Variants in SMAD3 observed in about 807,000 individuals in gnomAD.
SMAD3 encodes the protein MAD homolog 3.
In SMAD3, 12 loss-of-function variants were observed where a neutral mutation model predicts 51.8. The ratio of observed to expected loss-of-function variants is 0.23; its 90% CI spans 0.15 to 0.38. The LOEUF is 0.38. Ranked by LOEUF, SMAD3 falls within the 10% of genes least tolerant of loss-of-function variation. The probability of loss-of-function intolerance (pLI) is 1.00; values close to 1 mark genes in which losing one functional copy is unlikely to be tolerated. For synonymous variants in SMAD3, 238 were observed against 227.7 expected (o/e 1.05, Z -0.41); for missense variants, 294 against 565.6 (o/e 0.52, Z 4.87).
chr15:67,100,790 G>C (rs1203719353), intron 1 of SMAD3, among the ~76,000 whole-genome samples: 1 of 152,172 alleles, frequency 6.6e-6, no homozygotes, highest in Non-Finnish European at 1.5e-5. Flanking sequence ...TCCAATCCAG[G>C]CTCTACCTTT....
Position 67,193,910 on chromosome 15 carries a change from T to C in SMAD3, c.*3374T>C, listed in dbSNP as rs1963433338. 4.3e-6 allele frequency: 1 copy of C among 233,204 alleles called. No homozygotes were observed. The highest frequency in any genetic ancestry group is 1.8e-4 in the South Asian group (1 of 5,524). The allele number at this position is 233,204 out of a possible 1,614,324, so 14.4% of individuals were successfully genotyped here. On this transcript the variant is annotated 3_prime_UTR_variant, in exon 9 of 9. Transcript: ENST00000327367. ...GCATGGCATGCACGTATGTAAGTAA[T>C]CTGGGGAAGAAGCAAAGATCTGTTT...
intron 1 of SMAD3, among the ~76,000 whole-genome samples, chr15:67,109,947 CG>C (rs1960975584): frequency 1.3e-5 from 2 of 152,174 alleles, no homozygotes; most frequent in Admixed American, 6.5e-5. Flanking sequence ...GGCTCGTCAG[CG>C]GGGGAAACCA....
At chr15:67,153,939 G>A (rs1475669449) in intron 1 of SMAD3, among the ~76,000 whole-genome samples, 1 of 152,206 alleles carries the variant, frequency 6.6e-6, no homozygotes, top group Non-Finnish European at 1.5e-5. Flanking sequence ...TGGCCCTTGG[G>A]AGGTGGGATA....
chr15:67,138,299 C>CCT, intron 1 of SMAD3: 1 of 542,022 alleles, frequency 1.8e-6, no homozygotes, highest in Non-Finnish European at 3.3e-6. Flanking sequence ...CGCTCAGGGC[C>CCT]CTCTGCCTGG....
intron 1 of SMAD3, among the ~76,000 whole-genome samples, chr15:67,101,141 A>C (rs1436792030): frequency 6.6e-6 from 1 of 152,114 alleles, no homozygotes; most frequent in Non-Finnish European, 1.5e-5. Flanking sequence ...CTGTTGTGCT[A>C]CTCGCTTTGG....
intron 1 of SMAD3, among the ~76,000 whole-genome samples, chr15:67,088,014 AG>A (rs1336264749): frequency 6.6e-6 from 1 of 152,218 alleles, no homozygotes; most frequent in African/African-American, 2.4e-5. Context: ...GCTGATTGAC[AG>A]CTCAGATGTG....
At chr15:67,156,993 C>T (rs1962300113) in intron 1 of SMAD3, among the ~76,000 whole-genome samples, 1 of 152,190 alleles carries the variant, frequency 6.6e-6, no homozygotes, top group Non-Finnish European at 1.5e-5. Flanking sequence ...GGCAGAGCCA[C>T]AGAGCAAAAA....
At chr15:67,074,728 C>T (rs901850340) in intron 1 of SMAD3, among the ~76,000 whole-genome samples, 2 of 152,166 alleles carry the variant, frequency 1.3e-5, no homozygotes, top group East Asian at 1.9e-4. Flanking sequence ...CTTGCTGTGT[C>T]GCCCAGGCTG....
intron 1 of SMAD3, among the ~76,000 whole-genome samples, chr15:67,137,137 G>C (rs1287330011): frequency 6.6e-6 from 1 of 152,208 alleles, no homozygotes; most frequent in East Asian, 1.9e-4. Context: ...AGCAGGCTGC[G>C]TTTGTGGTTT....
chr15:67,104,093 A>G (rs1595901061), intron 1 of SMAD3, among the ~76,000 whole-genome samples: 1 of 152,160 alleles, frequency 6.6e-6, no homozygotes, highest in Admixed American at 6.5e-5. Flanking sequence ...GGCAGCGCTC[A>G]AAGGCAGGAA....
At chr15:67,093,402 A>G (rs778627409) in intron 1 of SMAD3, among the ~76,000 whole-genome samples, 13 of 152,148 alleles carry the variant, frequency 8.5e-5, no homozygotes, top group Non-Finnish European at 1.6e-4. Flanking sequence ...TTCCACTGCC[A>G]GTGCAGGGGT....
intron 1 of SMAD3, among the ~76,000 whole-genome samples, chr15:67,161,353 TC>T (rs1208562642): frequency 6.6e-6 from 1 of 152,206 alleles, no homozygotes; most frequent in African/African-American, 2.4e-5. Context: ...TTAATTAATA[TC>T]CAAGTGATTC....
At chr15:67,123,915 G>A (rs1316740670) in intron 1 of SMAD3, among the ~76,000 whole-genome samples, 1 of 152,196 alleles carries the variant, frequency 6.6e-6, no homozygotes, top group East Asian at 1.9e-4. Context: ...CGGATATGCT[G>A]TAGAATAGAC....
At chr15:67,170,225 A>C (rs964266602) in intron 4 of SMAD3, among the ~76,000 whole-genome samples, 1 of 152,170 alleles carries the variant, frequency 6.6e-6, no homozygotes, top group African/African-American at 2.4e-5. Flanking sequence ...CTAAAGAAAA[A>C]ATGTGTCACT....
At chr15:67,186,491 G>A (rs1457333820) in intron 7 of SMAD3, among the ~76,000 whole-genome samples, 4 of 152,184 alleles carry the variant, frequency 2.6e-5, no homozygotes, top group Non-Finnish European at 5.9e-5. Flanking sequence ...CCAGCTCAGA[G>A]TCACACAGCA....
intron 1 of SMAD3, among the ~76,000 whole-genome samples, chr15:67,130,420 G>T (rs2140252087): frequency 6.6e-6 from 1 of 152,286 alleles, no homozygotes; most frequent in East Asian, 1.9e-4. Flanking sequence ...GTGGGCAAGT[G>T]AGCATTACGG....
intron 1 of SMAD3, among the ~76,000 whole-genome samples, chr15:67,090,498 G>A (rs976832739): frequency 1.3e-5 from 2 of 152,076 alleles, no homozygotes; most frequent in East Asian, 1.9e-4. Context: ...AGTGACTTGC[G>A]CAAGTCATTT....
chr15:67,105,402 C>T (rs1318583185), intron 1 of SMAD3, among the ~76,000 whole-genome samples: 3 of 152,208 alleles, frequency 2.0e-5, no homozygotes, highest in South Asian at 4.2e-4. Context: ...GAGCTGTATG[C>T]GGTGAGTCCA....
chr15:67,190,732 C>T lies in SMAD3; in HGVS notation c.*196C>T. 1 of 629,758 alleles carries T rather than the reference C, an allele frequency of 1.6e-6. No individual in the cohort carries two copies. 39.0% of individuals were successfully genotyped at this position (629,758 alleles called of 1,614,324 possible). On this transcript the variant is annotated 3_prime_UTR_variant, in exon 9 of 9. Coordinates refer to ENST00000327367, the MANE Select transcript of SMAD3 (RefSeq NM_005902.4). ...TGGATGTTATGAACAGCTGTGTCTG[C>T]CAAACACATTTACCCTTTGGCCCCA...
Sources: gnomAD v4.1 joint callset for allele counts (sites outside exome capture counted in the v4.1 genomes callset) on GRCh38, gnomAD v4.1.1 for gene constraint, MANE v1.5 for transcripts, NCBI Gene and HGNC (gene_info 2026-07-23, HGNC 2026-07-21) for gene names.